Variants in FAM90A20 observed in about 807,000 individuals in gnomAD.
FAM90A20 encodes the protein family with sequence similarity 90 member A20.
chr8:7,297,245 G>T, the FAM90A20 span: 7 of 1,480,542 alleles, frequency 4.7e-6, no homozygotes, highest in East Asian at 4.5e-5. Context: ...ACAGACAGGG[G>T]CTGCCGCCGA....
the FAM90A20 span, chr8:7,297,640 A>C: frequency 4.3e-6 from 6 of 1,411,114 alleles, 1 homozygote; most frequent in Admixed American, 6.8e-5. Context: ...CACCAGCCGC[A>C]ACCGAACTTG....
At chr8:7,296,244 T>C in the FAM90A20 span, 8 of 684,712 alleles carry the variant, frequency 1.2e-5, no homozygotes, top group Non-Finnish European at 1.6e-5. Flanking sequence ...CCCTGTCTCC[T>C]GGGGAAAACC....
the FAM90A20 span, chr8:7,297,572 A>T: frequency 2.0e-6 from 3 of 1,512,358 alleles, 1 homozygote; most frequent in African/African-American, 4.0e-5. Flanking sequence ...TCCCTTCCAG[A>T]TCCCCGAAAG....
At chr8:7,296,352 G>A in the FAM90A20 span, 21 of 744,334 alleles carry the variant, frequency 2.8e-5, 2 homozygotes, top group Admixed American at 2.8e-4. Flanking sequence ...CAGAGAAGCC[G>A]CTGCCGAATG....
chr8:7,297,178 G>A, the FAM90A20 span: 14 of 1,537,922 alleles, frequency 9.1e-6, 2 homozygotes, highest in Admixed American at 8.4e-5. Context: ...TGGCTTCACT[G>A]TCTCCCCTCA....
At chr8:7,295,736 G>A in the FAM90A20 span, 7 of 1,108,400 alleles carry the variant, frequency 6.3e-6, 1 homozygote, top group Admixed American at 3.5e-5. Context: ...GGGGAAAAAG[G>A]AAGGGAAGGA....
At chr8:7,296,021 AC>A in the FAM90A20 span, among the ~76,000 whole-genome samples, 1 of 128,760 alleles carries the variant, frequency 7.8e-6, no homozygotes, top group African/African-American at 4.2e-5. Context: ...AGATTCAGGG[AC>A]GGGGAGAGGC....
At chr8:7,295,583 C>T in the FAM90A20 span, 9 of 666,564 alleles carry the variant, frequency 1.4e-5, 1 homozygote, top group East Asian at 1.1e-4. Context: ...GGGATCGCTG[C>T]CTGTGGCTTC....
chr8:7,297,472 C>T, the FAM90A20 span: 21 of 1,543,422 alleles, frequency 1.4e-5, no homozygotes, highest in Non-Finnish European at 1.6e-5. Context: ...TGGGCCTAGG[C>T]TCCAATCTCA....
the FAM90A20 span, chr8:7,297,337 C>G: frequency 4.3e-6 from 6 of 1,387,032 alleles, no homozygotes; most frequent in East Asian, 4.5e-5. Context: ...CTGAGGGTAG[C>G]TGCCGAGAAG....
At chr8:7,296,169 G>C in the FAM90A20 span, 14 of 639,914 alleles carry the variant, frequency 2.2e-5, 1 homozygote, top group Non-Finnish European at 3.7e-5. Flanking sequence ...GAGGCGGAAA[G>C]GGCACCAGAT....
At chr8:7,297,311 C>G in the FAM90A20 span, 895 of 1,354,538 alleles carry the variant, frequency 6.6e-4, 253 homozygotes, top group African/African-American at 0.017. Flanking sequence ...CGTGGTGGAG[C>G]CGACACACAG....
chr8:7,297,115 C>G, the FAM90A20 span: 2 of 1,506,372 alleles, frequency 1.3e-6, 1 homozygote, highest in African/African-American at 3.9e-5. Flanking sequence ...CGCGCATGGA[C>G]CCTGTCCTCT....
the FAM90A20 span, chr8:7,296,338 C>T: frequency 2.7e-6 from 2 of 744,350 alleles, no homozygotes; most frequent in East Asian, 2.5e-5. Flanking sequence ...TTCCGGGAAA[C>T]CTCCAGAGAA....
the FAM90A20 span, chr8:7,296,363 G>A: frequency 1.3e-6 from 1 of 747,858 alleles, no homozygotes. Context: ...CTGCCGAATG[G>A]AAAAGGATCC....
chr8:7,296,331 C>G, the FAM90A20 span: 3 of 742,236 alleles, frequency 4.0e-6, no homozygotes, highest in African/African-American at 2.5e-5. Flanking sequence ...ACATGTTTTC[C>G]GGGAAACCTC....
At chr8:7,297,243 G>C in the FAM90A20 span, 3 of 1,486,764 alleles carry the variant, frequency 2.0e-6, no homozygotes, top group Non-Finnish European at 2.7e-6. Context: ...AGACAGACAG[G>C]GGCTGCCGCC....
chr8:7,297,320 A>C, the FAM90A20 span: 1 of 1,355,004 alleles, frequency 7.4e-7, no homozygotes. Flanking sequence ...GCCGACACAC[A>C]GCAGCCCTGA....
At chr8:7,297,214 A>G in the FAM90A20 span, 3 of 1,528,780 alleles carry the variant, frequency 2.0e-6, no homozygotes, top group Admixed American at 1.7e-5. Context: ...GCTCCTCCTC[A>G]AGTCTTGGAC....
Sources: allele counts gnomAD v4.1 joint callset (sites outside exome capture counted in the v4.1 genomes callset), GRCh38; gene constraint gnomAD v4.1.1; transcripts MANE v1.5; gene names NCBI Gene and HGNC (gene_info 2026-07-23, HGNC 2026-07-21).